PLD5: variants seen among roughly 807,000 people sequenced by gnomAD.
PLD5 encodes the protein phospholipase D family member 5.
A neutral mutation model predicts 61.1 loss-of-function variants in PLD5; 36 were observed. The ratio of observed to expected loss-of-function variants is 0.59; its 90% confidence interval spans 0.45 to 0.78. The LOEUF (loss-of-function observed/expected upper bound fraction) is 0.78. Ranked by LOEUF, PLD5 falls within the 30% of genes least tolerant of loss-of-function variation. The pLI is 0.00. For synonymous variants in PLD5, 243 were observed against 242.8 expected (o/e 1.00, Z -0.01); for missense variants, 515 against 644.4 (o/e 0.80, Z 2.17).
intron 1 of PLD5, among the ~76,000 whole-genome samples, chr1:242,357,874 C>T (rs796938753): frequency 8.5e-5 from 13 of 152,250 alleles, no homozygotes; most frequent in African/African-American, 2.9e-4. Context: ...GTATTATGCA[C>T]AGGTTAGGCC....
intron 5 of PLD5, chr1:242,210,454 C>A (rs1489167722): frequency 6.4e-6 from 1 of 156,438 alleles, no homozygotes; most frequent in Admixed American, 6.5e-5. Flanking sequence ...GACATTCCAC[C>A]ACAAAGGAAG....
rs115140236 is a variant in PLD5, at chr1:242,241,153, T to C, written c.608-21038A>G. On this transcript the variant is annotated intron_variant, in intron 4 of 9. Transcript: ENST00000536534. ...TGTACTAAACCGTTCTACAGAAAGG[T>C]ATGGGTTTTCTTCTGAAGTTGTTGG... Among the ~76,000 whole-genome samples the C allele has an allele frequency of 5.1e-3, 771 of 152,208 alleles. 3 individuals carry two copies. The highest frequency in any genetic ancestry group is 8.4e-3 in the Non-Finnish European group (572 of 68,012).
chr1:242,348,304 G>A (rs1020486838), intron 1 of PLD5, 62 bp from the exon 2 acceptor site: 27 of 1,513,614 alleles, frequency 1.8e-5, no homozygotes, highest in Middle Eastern at 1.7e-4. Context: ...GGAAACTCAA[G>A]AAGTGACAAC....
intron 1 of PLD5, among the ~76,000 whole-genome samples, chr1:242,423,184 G>C (rs1665240220): frequency 6.6e-6 from 1 of 152,040 alleles, no homozygotes; most frequent in Non-Finnish European, 1.5e-5. Flanking sequence ...AGTAACCAAA[G>C]GTATCTGCGA....
chr1:242,222,639 C>T (rs1322974060), intron 4 of PLD5, among the ~76,000 whole-genome samples: 1 of 152,202 alleles, frequency 6.6e-6, no homozygotes, highest in East Asian at 1.9e-4. Flanking sequence ...TCACACAGGT[C>T]CCCTGCAGCC....
chr1:242,330,873 A>T (rs1659125977), intron 2 of PLD5, among the ~76,000 whole-genome samples: 1 of 152,182 alleles, frequency 6.6e-6, no homozygotes, highest in Admixed American at 6.5e-5. Context: ...AGTTTTACAG[A>T]TGGGGAAATA....
intron 1 of PLD5, among the ~76,000 whole-genome samples, chr1:242,494,224 C>T (rs1426568164): frequency 1.3e-5 from 2 of 151,870 alleles, no homozygotes; most frequent in African/African-American, 4.8e-5. Context: ...CTCACATCCC[C>T]TTTTCCCAGG....
intron 3 of PLD5, among the ~76,000 whole-genome samples, chr1:242,283,405 A>G (rs889290042): frequency 3.9e-5 from 6 of 152,324 alleles, no homozygotes; most frequent in African/African-American, 1.4e-4. Context: ...TTATTGCTAC[A>G]TTATAAAAGA....
chr1:242,215,064 A>AT (rs1670076962), intron 5 of PLD5, among the ~76,000 whole-genome samples: 1 of 94,816 alleles, frequency 1.1e-5, no homozygotes, highest in African/African-American at 4.3e-5. Flanking sequence ...TTTTTTTTGT[A>AT]TTTTTAGTAG....
At chr1:242,205,091 A>G (rs1669241239) in intron 5 of PLD5, among the ~76,000 whole-genome samples, 1 of 152,202 alleles carries the variant, frequency 6.6e-6, no homozygotes, top group Admixed American at 6.5e-5. Flanking sequence ...AGATTTTGAG[A>G]CATGTCATAT....
intron 1 of PLD5, among the ~76,000 whole-genome samples, chr1:242,445,446 A>T (rs1303003123): frequency 1.3e-5 from 2 of 152,098 alleles, no homozygotes; most frequent in African/African-American, 4.8e-5. Context: ...GGTTCAAGTG[A>T]TTCTCCTGCC....
intron 3 of PLD5, among the ~76,000 whole-genome samples, chr1:242,284,509 G>T (rs1181754381): frequency 6.6e-6 from 1 of 152,140 alleles, no homozygotes; most frequent in African/African-American, 2.4e-5. Context: ...CTAACCTGTT[G>T]TGCATACCGC....
At chr1:242,115,471 C>A (rs1226310558) in intron 6 of PLD5, among the ~76,000 whole-genome samples, 1 of 152,052 alleles carries the variant, frequency 6.6e-6, no homozygotes, top group Non-Finnish European at 1.5e-5. Flanking sequence ...TTTCAGTGTA[C>A]ACACTTCTTT....
chr1:242,483,260 T>C (rs2102965572), intron 1 of PLD5, among the ~76,000 whole-genome samples: 1 of 152,228 alleles, frequency 6.6e-6, no homozygotes, highest in Non-Finnish European at 1.5e-5. Context: ...AGACACAGAC[T>C]GGCAAATTGG....
At chr1:242,181,326 T>G (rs1048305509) in intron 5 of PLD5, among the ~76,000 whole-genome samples, 3 of 152,182 alleles carry the variant, frequency 2.0e-5, no homozygotes, top group South Asian at 2.1e-4. Flanking sequence ...ATGTAGCTAT[T>G]GAACACTTAA....
At chr1:242,106,639 G>A (rs552879665) in intron 8 of PLD5, among the ~76,000 whole-genome samples, 5 of 152,140 alleles carry the variant, frequency 3.3e-5, no homozygotes, top group African/African-American at 9.7e-5. Context: ...CTCCAATTTC[G>A]CTCTTCTCCT....
At chr1:242,528,570 T>G (rs1669491739), upstream of PLD5, among the ~76,000 whole-genome samples, 2 of 152,242 alleles carry the variant, frequency 1.3e-5, no homozygotes, top group Admixed American at 1.3e-4. Flanking sequence ...AGTATTTTAT[T>G]AAAACTTTCA....
At chr1:242,142,881 C>G (rs536264272) in intron 5 of PLD5, among the ~76,000 whole-genome samples, 102 of 151,006 alleles carry the variant, frequency 6.8e-4, no homozygotes, top group Admixed American at 2.0e-3. Context: ...CACCCACCAC[C>G]ATGTTGGCTG....
intron 3 of PLD5, among the ~76,000 whole-genome samples, chr1:242,270,495 T>C (rs1673995523): frequency 6.6e-6 from 1 of 152,182 alleles, no homozygotes; most frequent in Non-Finnish European, 1.5e-5. Context: ...CCCTGAATGA[T>C]CATTTTGTTA....
Sources: gnomAD v4.1 joint callset for allele counts (sites outside exome capture counted in the v4.1 genomes callset) on GRCh38, gnomAD v4.1.1 for gene constraint, MANE v1.5 for transcripts, NCBI Gene and HGNC (gene_info 2026-07-23, HGNC 2026-07-21) for gene names.